MYO16: variants seen among roughly 807,000 people sequenced by gnomAD.
The protein encoded by MYO16 is unconventional myosin-XVI.
Under a neutral mutation model 205.3 loss-of-function variants are expected in MYO16, and 94 were observed. The ratio of observed to expected loss-of-function variants is 0.46; its 90% CI spans 0.39 to 0.54. The LOEUF is 0.54. Ranked by LOEUF, MYO16 falls within the 20% of genes least tolerant of loss-of-function variation. MYO16 has a pLI of 0.00. For missense variants in MYO16, 2,315 were observed against 2,387.5 expected, an observed-to-expected ratio of 0.97 and a Z score of 0.63; for synonymous variants, 988 against 954.0, an observed-to-expected ratio of 1.04 and a Z score of -0.66.
intron 23 of MYO16, among the ~76,000 whole-genome samples, chr13:109,022,786 CTA>C (rs1264405266): frequency 1.5e-5 from 2 of 133,652 alleles, no homozygotes; most frequent in Admixed American, 8.0e-5. Flanking sequence ...TATATATACA[CTA>C]TGTAAACATA....
rs1879886667 is a variant in MYO16 at position 108,629,699 on chromosome 13, A to T, written c.-146A>T. ...TGAGTTTGAAGCTTTTTGCAGGATC[A>T]TGGAACAGAGCCTCCATGCAATAGT... is the stretch of plus-strand genomic sequence containing the variant. On this transcript the variant is annotated 5_prime_UTR_variant, in exon 1 of 35. It removes an upstream start codon present in the reference 5' UTR. Transcript: ENST00000457511. 4 of 671,252 alleles carry T rather than the reference A, an allele frequency of 6.0e-6. No homozygotes were observed. The highest frequency in any genetic ancestry group is 9.8e-6 in the Non-Finnish European group (4 of 408,250). 41.6% of individuals were successfully genotyped at this position (671,252 alleles called of 1,614,324 possible).
Position 109,206,941 on chromosome 13 carries a change from T to A in MYO16, c.*105T>A. On this transcript the variant is annotated 3_prime_UTR_variant, in exon 35 of 35. Transcript: ENST00000457511. ...TGCGCTGGGGCTTCTCTCCACGCAT[T>A]TAGACAAAAAAAGCACAGGACACAG... 2 of 972,158 alleles carry A rather than the reference T, an allele frequency of 2.1e-6. No homozygotes were observed. The highest frequency in any genetic ancestry group is 2.5e-5 in the Admixed American group (1 of 40,816). The allele number at this position is 972,158 out of a possible 1,614,324, so 60.2% of individuals were successfully genotyped here.
chr13:109,031,150 G>A (rs1027889267), intron 23 of MYO16, among the ~76,000 whole-genome samples: 2 of 152,036 alleles, frequency 1.3e-5, no homozygotes, highest in Non-Finnish European at 2.9e-5. Flanking sequence ...GGAGTGCAAC[G>A]GCGCGATCTC....
chr13:109,176,576 G>GGAAAAAAAAAAAAAAAAAA (rs1566549730), intron 33 of MYO16, among the ~76,000 whole-genome samples: 1 of 21,078 alleles, frequency 4.7e-5, no homozygotes, highest in African/African-American at 4.1e-4. Flanking sequence ...TATTGTGCTG[G>GGAAAAAAAAAAAAAAAAAA]TAAAAAAAAA....
At chr13:108,796,903 AAAACTT>A (rs1277707151) in intron 6 of MYO16, among the ~76,000 whole-genome samples, 1 of 150,676 alleles carries the variant, frequency 6.6e-6, no homozygotes, top group Admixed American at 6.6e-5. Context: ...CATGTACCCT[AAAACTT>A]AAAGTATAAT....
At chr13:108,537,699 A>G in the MYO16 span, among the ~76,000 whole-genome samples, 1 of 152,062 alleles carries the variant, frequency 6.6e-6, no homozygotes, top group African/African-American at 2.4e-5. Context: ...AATAATAGCC[A>G]TTGTGACTGG....
upstream of MYO16, among the ~76,000 whole-genome samples, chr13:108,624,750 C>A (rs1386334769): frequency 6.6e-6 from 1 of 150,920 alleles, no homozygotes; most frequent in East Asian, 1.9e-4. Context: ...GCCAAATGCC[C>A]TTAAGGAGCA....
chr13:108,918,034 A>G (rs1335011297), intron 16 of MYO16, among the ~76,000 whole-genome samples: 1 of 152,210 alleles, frequency 6.6e-6, no homozygotes, highest in Non-Finnish European at 1.5e-5. Flanking sequence ...TTGAACTTCA[A>G]CCTGTTCGAT....
chr13:108,554,867 A>G, the MYO16 span, among the ~76,000 whole-genome samples: 51 of 151,378 alleles, frequency 3.4e-4, no homozygotes, highest in South Asian at 0.01. Flanking sequence ...AAAAAAAAAA[A>G]AAAAAAGAAA....
At chr13:108,928,657 C>T (rs1018777780) in intron 16 of MYO16, among the ~76,000 whole-genome samples, 22 of 151,278 alleles carry the variant, frequency 1.5e-4, no homozygotes, top group African/African-American at 4.6e-4. Context: ...TGTACATTTA[C>T]AATTTATGTC....
chr13:108,897,539 A>C (rs1269482541), intron 14 of MYO16, among the ~76,000 whole-genome samples: 2 of 152,208 alleles, frequency 1.3e-5, no homozygotes, highest in Non-Finnish European at 2.9e-5. Context: ...GTTGAAAAAG[A>C]GTATGAGTGG....
At chr13:109,023,316 A>C (rs1397736469) in intron 23 of MYO16, among the ~76,000 whole-genome samples, 17 of 86,072 alleles carry the variant, frequency 2.0e-4, no homozygotes, top group Non-Finnish European at 3.2e-4. Context: ...ATATATATTT[A>C]TATATTATAC....
chr13:108,688,453 T>C (rs1439194881), intron 2 of MYO16, among the ~76,000 whole-genome samples: 1 of 152,186 alleles, frequency 6.6e-6, no homozygotes, highest in Admixed American at 6.5e-5. Context: ...ATAACTGAAT[T>C]AGTTCATCTT....
chr13:108,742,431 T>C (rs1373930160), intron 4 of MYO16, among the ~76,000 whole-genome samples: 1 of 152,186 alleles, frequency 6.6e-6, no homozygotes, highest in Non-Finnish European at 1.5e-5. Context: ...TATATGATTA[T>C]ATAATTATAT....
At chr13:108,814,996 G>A (rs529687212) in intron 7 of MYO16, among the ~76,000 whole-genome samples, 1 of 152,196 alleles carries the variant, frequency 6.6e-6, no homozygotes, top group East Asian at 1.9e-4. Context: ...AAATAGCAAA[G>A]AATCTCCAAA....
chr13:108,940,590 A>G (rs1234896407), intron 16 of MYO16, among the ~76,000 whole-genome samples: 2 of 152,242 alleles, frequency 1.3e-5, no homozygotes, highest in Non-Finnish European at 2.9e-5. Context: ...TAGAAGTAAC[A>G]CAGACGCTTA....
At chr13:108,933,261 G>A (rs770055449) in intron 16 of MYO16, among the ~76,000 whole-genome samples, 2 of 152,192 alleles carry the variant, frequency 1.3e-5, no homozygotes, top group Non-Finnish European at 2.9e-5. Context: ...AATAGACAGA[G>A]ATAGAAATAA....
intron 5 of MYO16, among the ~76,000 whole-genome samples, chr13:108,786,705 T>G (rs1011700836): frequency 6.6e-6 from 1 of 152,198 alleles, no homozygotes; most frequent in Non-Finnish European, 1.5e-5. Context: ...ATAGTCTTAT[T>G]CTCTGTGAAA....
intron 27 of MYO16, among the ~76,000 whole-genome samples, chr13:109,086,504 A>T (rs890702322): frequency 1.3e-5 from 2 of 152,246 alleles, no homozygotes; most frequent in African/African-American, 4.8e-5. Context: ...GTTCTAGCTA[A>T]TGCCAATTTT....
Sources: allele counts gnomAD v4.1 joint callset (sites outside exome capture counted in the v4.1 genomes callset), GRCh38; gene constraint gnomAD v4.1.1; transcripts MANE v1.5; gene names NCBI Gene and HGNC (gene_info 2026-07-23, HGNC 2026-07-21).